LMNA: variants seen among roughly 807,000 people sequenced by gnomAD.
LMNA encodes the protein lamin.
A neutral mutation model predicts 70.4 loss-of-function variants in LMNA; 20 were observed. That is an observed-to-expected ratio of 0.28 (90% confidence interval 0.20 to 0.41). The LOEUF (loss-of-function observed/expected upper bound fraction) is 0.41. LMNA is among the 10% of genes least tolerant of loss of function. LMNA has a pLI of 1.00. For missense variants in LMNA, 652 were observed against 917.2 expected, an observed-to-expected ratio of 0.71 and a Z score of 3.73; for synonymous variants, 339 against 372.8, an observed-to-expected ratio of 0.91 and a Z score of 1.04.
chr1:156,124,408 C>G (rs500940), intron 1 of LMNA, among the ~76,000 whole-genome samples: 1 of 151,986 alleles, frequency 6.6e-6, no homozygotes, highest in East Asian at 1.9e-4. Context: ...CCTGCCTCAG[C>G]CTCCCAAGTA....
chr1:156,138,017 G>A lies in LMNA; in HGVS notation c.1698+274G>A, dbSNP rs938712150. The A allele has an allele frequency of 2.9e-5, 19 of 657,708 alleles. No individual in the cohort carries two copies. The highest frequency in any genetic ancestry group is 4.0e-5 in the Non-Finnish European group (16 of 399,032). The allele number at this position is 657,708 out of a possible 1,614,324, so 40.7% of individuals were successfully genotyped here. On this transcript the variant is annotated intron_variant, in intron 10 of 11. Coordinates refer to ENST00000368300, the MANE Select transcript of LMNA (RefSeq NM_170707.4). This position sits in a 1 kb window ranked among gnomAD's most constrained non-coding sequence, Gnocchi z 5.5. ...GAGCAGTGGACAAGGGTCTGGATTTGTCTTCTGGGAAAGGGAGGGGAGGAC... is the reference window on the plus strand; with the variant it reads ...GAGCAGTGGACAAGGGTCTGGATTTATCTTCTGGGAAAGGGAGGGGAGGAC...
At chr1:156,095,922 G>T (rs1469151997) in intron 3 of LMNA, among the ~76,000 whole-genome samples, 1 of 152,200 alleles carries the variant, frequency 6.6e-6, no homozygotes, top group Admixed American at 6.5e-5. Context: ...CTACTCAGGG[G>T]TATGGATTGG....
At position 156,115,029 on chromosome 1, in the gene LMNA, G is replaced by A. The variant is rs886038906; in HGVS notation, c.111G>A (p.Glu37=). ...TGCAGGAGAAGGAGGACCTGCAGGAGCTCAATGATCGCTTGGCGGTCTACA... is the reference window on the plus strand; with the variant it reads ...TGCAGGAGAAGGAGGACCTGCAGGAACTCAATGATCGCTTGGCGGTCTACA... ...TRLQEKEDLQ[E]LNDRLAVYID... is the part of the protein sequence containing the mutation. Residue 37 remains glutamate (E), a synonymous_variant, in exon 1 of 12, where the codon GAG becomes GAA. Coordinates refer to ENST00000368300, the MANE Select transcript of LMNA (RefSeq NM_170707.4). The surrounding 1 kb of genome is among the most constrained non-coding windows in gnomAD (Gnocchi z 5.8). The A allele has an allele frequency of 1.9e-6, 3 of 1,599,806 alleles. No homozygotes were observed. Among genetic ancestry groups the A allele is most frequent in the Non-Finnish European group, 2.6e-6 (3 of 1,173,480 alleles).
intron 3 of LMNA, chr1:156,093,756 G>A (rs1275175701): frequency 6.6e-6 from 1 of 152,206 alleles, no homozygotes; most frequent in African/African-American, 2.4e-5. Flanking sequence ...GTCTACTCCT[G>A]TATTCTCAGC....
In LMNA at chr1:156,137,180, C is replaced by T. The variant is rs753988867; in HGVS notation, c.1556C>T (p.Thr519Ile). 11 of 1,609,710 alleles carry T rather than the reference C, an allele frequency of 6.8e-6. No homozygotes were observed. The African/African-American group carries it at 1.1e-4, about 16-fold the overall frequency. Residue 519 changes from threonine (T) to isoleucine (I), a missense_variant, in exon 9 of 12, where the codon ACC (threonine) becomes ATC (isoleucine). Around this residue, in one of 4 missense-constraint regions of LMNA, gnomAD observed 327 missense variants for 387.6 expected, o/e 0.84. Transcript: ENST00000368300. This position sits in a 1 kb window ranked among gnomAD's most constrained non-coding sequence, Gnocchi z 4.6. The part of the protein sequence containing the change: ...PTDLVWKAQN[T>I]WGCGNSLRTA... Reference sequence around the variant, plus strand: ...GACCTGGTGTGGAAGGCACAGAACACCTGGGGCTGCGGGAACAGCCTGCGT... The same window carrying T: ...GACCTGGTGTGGAAGGCACAGAACATCTGGGGCTGCGGGAACAGCCTGCGT...
chr1:156,126,652 G>T, intron 1 of LMNA: 1 of 1,308,478 alleles, frequency 7.6e-7, no homozygotes, highest in Non-Finnish European at 1.1e-6. Context: ...GGTCACATTT[G>T]CAAGTGCCAA....
chr1:156,102,245 T>C (rs1649169253), intron 3 of LMNA, among the ~76,000 whole-genome samples: 2 of 152,126 alleles, frequency 1.3e-5, no homozygotes, highest in East Asian at 3.8e-4. Flanking sequence ...TTCAGGGGTG[T>C]TCCTCACTTC....
chr1:156,130,749 T>G lies in LMNA; in HGVS notation c.489T>G (p.His163Gln), dbSNP rs1558126350. Residue 163 changes from histidine (H) to glutamine (Q), a missense_variant, in exon 2 of 12, where the codon CAT becomes CAG. By Grantham distance (24) the His-to-Gln change is conservative. This residue lies in a region of LMNA where 254 missense variants were observed against 421.9 expected (regional missense o/e 0.60). Transcript: ENST00000368300. ...AGCGCACGCTGGAGGGCGAGCTGCATGATCTGCGGGGCCAGGTGGCCAAGG... is the reference window on the plus strand; with the variant it reads ...AGCGCACGCTGGAGGGCGAGCTGCAGGATCTGCGGGGCCAGGTGGCCAAGG... ...SEKRTLEGELHDLRGQVAKLE... is the reference protein window; with the variant it reads ...SEKRTLEGELQDLRGQVAKLE... The G allele has an allele frequency of 6.3e-7, 1 of 1,597,888 alleles. No individual in the cohort carries two copies. The highest frequency in any genetic ancestry group is 8.5e-7 in the Non-Finnish European group (1 of 1,172,418).
intron 1 of LMNA, among the ~76,000 whole-genome samples, chr1:156,128,463 G>T (rs932079220): frequency 3.3e-5 from 5 of 152,206 alleles, no homozygotes; most frequent in African/African-American, 1.2e-4. Context: ...CTAGGGAAAA[G>T]GTGCCCTTGA....
intron 1 of LMNA, chr1:156,126,275 C>A: frequency 7.4e-7 from 1 of 1,353,168 alleles, no homozygotes; most frequent in Non-Finnish European, 9.9e-7. Context: ...AGGGCTGGGC[C>A]AGCTCCTCCA....
intron 1 of LMNA, among the ~76,000 whole-genome samples, chr1:156,130,312 G>T (rs1479790161): frequency 5.3e-5 from 8 of 152,144 alleles, no homozygotes; most frequent in Admixed American, 3.9e-4. Flanking sequence ...GGAAAGAATG[G>T]GAGGAGAGAG....
chr1:156,093,045 C>T (rs1224055506), intron 3 of LMNA, among the ~76,000 whole-genome samples: 3 of 151,666 alleles, frequency 2.0e-5, no homozygotes, highest in East Asian at 1.9e-4. Context: ...CCTGCCACCA[C>T]GCTCAGCTAA....
intron 1 of LMNA, among the ~76,000 whole-genome samples, chr1:156,116,312 C>T (rs1488622167): frequency 1.3e-5 from 2 of 152,162 alleles, no homozygotes; most frequent in Admixed American, 1.3e-4. Flanking sequence ...AGATTCAGGC[C>T]ACTCCCACTT....
intron 3 of LMNA, among the ~76,000 whole-genome samples, chr1:156,104,561 C>G (rs981268498): frequency 6.6e-6 from 1 of 152,118 alleles, no homozygotes; most frequent in Non-Finnish European, 1.5e-5. Context: ...TTCATCCCCA[C>G]TCATCCTCTG....
chr1:156,088,833 T>C (rs1354531259), intron 2 of LMNA, among the ~76,000 whole-genome samples: 1 of 152,060 alleles, frequency 6.6e-6, no homozygotes, highest in Non-Finnish European at 1.5e-5. Context: ...TTGTTATTTT[T>C]AGTAGAGATG....
At chr1:156,092,445 G>A (rs970050571) in intron 3 of LMNA, among the ~76,000 whole-genome samples, 12 of 151,776 alleles carry the variant, frequency 7.9e-5, no homozygotes, top group Admixed American at 2.0e-4. Context: ...TTGGGAGGCC[G>A]AGGCAGGTGG....
intron 2 of LMNA, among the ~76,000 whole-genome samples, chr1:156,132,644 A>G (rs1043926787): frequency 3.9e-5 from 6 of 151,948 alleles, no homozygotes; most frequent in African/African-American, 1.5e-4. Context: ...CCATCATAGT[A>G]TACCAGGGAA....
chr1:156,132,267 C>T (rs1651139178), intron 2 of LMNA, among the ~76,000 whole-genome samples: 3 of 151,964 alleles, frequency 2.0e-5, no homozygotes, highest in African/African-American at 7.3e-5. Context: ...GTTAGGAGTT[C>T]GAGACTAGCC....
chr1:156,128,959 C>G (rs1328492880), intron 1 of LMNA, among the ~76,000 whole-genome samples: 1 of 152,220 alleles, frequency 6.6e-6, no homozygotes, highest in African/African-American at 2.4e-5. Context: ...TTTCCCTCCT[C>G]CCCCTGCAGC....
Sources: allele counts gnomAD v4.1 joint callset (sites outside exome capture counted in the v4.1 genomes callset), GRCh38; gene constraint gnomAD v4.1.1; regional missense constraint gnomAD v4.1.1; non-coding constraint Gnocchi (gnomAD v3.1); transcripts MANE v1.5; gene names NCBI Gene and HGNC (gene_info 2026-07-23, HGNC 2026-07-21).